UBAC2: variants seen among roughly 807,000 people sequenced by gnomAD.
UBAC2 encodes UBA domain containing 2, also known as ubiquitin-associated domain-containing protein 2.
Under a neutral mutation model 44.0 loss-of-function variants are expected in UBAC2, and 26 were observed. The observed-to-expected ratio is 0.59, with a 90% CI of 0.43 to 0.82. The LOEUF is 0.82. Among genes scored for constraint, UBAC2 ranks in the 40% least tolerant of loss-of-function variants. The probability of loss-of-function intolerance (pLI) is 0.00; values close to 1 mark genes in which losing one functional copy is unlikely to be tolerated. For missense variants in UBAC2, 329 were observed against 419.4 expected (o/e 0.78, Z 1.88); for synonymous variants, 155 against 154.3 (o/e 1.00, Z -0.04).
intron 8 of UBAC2, among the ~76,000 whole-genome samples, chr13:99,368,688 A>AGTGTGGGTGTGT (rs1555332920): frequency 6.1e-5 from 9 of 146,596 alleles, no homozygotes; most frequent in South Asian, 4.4e-4. Flanking sequence ...CTCATGAGAG[A>AGTGTGGGTGTGT]GTGTGTGTGT....
At chr13:99,250,770 G>A (rs899819571) in intron 4 of UBAC2, among the ~76,000 whole-genome samples, 3 of 150,890 alleles carry the variant, frequency 2.0e-5, no homozygotes, top group Non-Finnish European at 4.4e-5. Flanking sequence ...TTTTTGAGAC[G>A]GAGTCTCACT....
At chr13:99,236,943 A>C (rs903516457) in intron 1 of UBAC2, among the ~76,000 whole-genome samples, 2 of 151,240 alleles carry the variant, frequency 1.3e-5, no homozygotes, top group Non-Finnish European at 2.9e-5. Flanking sequence ...GTAAATTAGT[A>C]CAGTCACGAT....
chr13:99,208,697 T>C (rs2042904492), intron 1 of UBAC2, among the ~76,000 whole-genome samples: 1 of 152,220 alleles, frequency 6.6e-6, no homozygotes, highest in Non-Finnish European at 1.5e-5. Context: ...CTCAGATTTC[T>C]TGTGTCTGAC....
intron 8 of UBAC2, among the ~76,000 whole-genome samples, chr13:99,383,863 C>A (rs1473373889): frequency 6.6e-6 from 1 of 152,236 alleles, no homozygotes; most frequent in Non-Finnish European, 1.5e-5. Flanking sequence ...GGTGTCTGGG[C>A]CTGGGTGGTC....
intron 4 of UBAC2, among the ~76,000 whole-genome samples, chr13:99,281,815 G>A (rs2043957949): frequency 6.6e-6 from 1 of 150,922 alleles, no homozygotes; most frequent in Admixed American, 6.6e-5. Context: ...CTTACCTTAT[G>A]GATTGCTGGC....
intron 4 of UBAC2, among the ~76,000 whole-genome samples, chr13:99,273,311 T>G (rs2043841337): frequency 6.6e-6 from 1 of 152,148 alleles, no homozygotes; most frequent in South Asian, 2.1e-4. Context: ...TAAACCACTT[T>G]GGCAGAGTCA....
chr13:99,245,708 G>T (rs990938551), intron 4 of UBAC2, among the ~76,000 whole-genome samples: 1 of 152,212 alleles, frequency 6.6e-6, no homozygotes, highest in Non-Finnish European at 1.5e-5. Context: ...GGGCGTGGTG[G>T]CACGTAGTCC....
At chr13:99,264,048 C>T (rs555383314) in intron 4 of UBAC2, among the ~76,000 whole-genome samples, 1 of 152,260 alleles carries the variant, frequency 6.6e-6, no homozygotes, top group Non-Finnish European at 1.5e-5. Context: ...TGGCAGGATC[C>T]TGGAGCTGTT....
At chr13:99,223,594 G>A (rs911801308) in intron 1 of UBAC2, among the ~76,000 whole-genome samples, 2 of 108,244 alleles carry the variant, frequency 1.8e-5, no homozygotes, top group East Asian at 3.0e-4. Flanking sequence ...CATTATGTGA[G>A]ACCTTTTTTC....
intron 1 of UBAC2, among the ~76,000 whole-genome samples, chr13:99,225,305 T>G (rs555439678): frequency 6.6e-5 from 10 of 152,186 alleles, no homozygotes; most frequent in Non-Finnish European, 1.2e-4. Flanking sequence ...CATTTCCCCC[T>G]TCCTCCGCCC....
chr13:99,225,606 C>T (rs1348019976), intron 1 of UBAC2, among the ~76,000 whole-genome samples: 1 of 152,202 alleles, frequency 6.6e-6, no homozygotes, highest in Non-Finnish European at 1.5e-5. Flanking sequence ...TGAGCACCTC[C>T]TTCACATCAC....
At chr13:99,285,776 A>G (rs959817594) in intron 4 of UBAC2, among the ~76,000 whole-genome samples, 3 of 151,334 alleles carry the variant, frequency 2.0e-5, no homozygotes, top group African/African-American at 7.3e-5. Context: ...TATTTCTTAA[A>G]CTCCCTTGCC....
chr13:99,322,659 C>T (rs767170313), intron 6 of UBAC2, among the ~76,000 whole-genome samples: 2 of 152,088 alleles, frequency 1.3e-5, no homozygotes, highest in Non-Finnish European at 2.9e-5. Flanking sequence ...ATCTCTGATC[C>T]AGCAGCCTTA....
At chr13:99,206,128 T>A (rs1052874993) in intron 1 of UBAC2, 1 of 152,736 alleles carries the variant, frequency 6.5e-6, no homozygotes, top group Non-Finnish European at 1.5e-5. Flanking sequence ...CAGGAGAAGA[T>A]GAGTTCAGCT....
chr13:99,292,051 C>T (rs2044095193), intron 4 of UBAC2, among the ~76,000 whole-genome samples: 1 of 152,074 alleles, frequency 6.6e-6, no homozygotes, highest in African/African-American at 2.4e-5. Flanking sequence ...GCAGTCGAGG[C>T]TTCTAACACC....
intron 7 of UBAC2, among the ~76,000 whole-genome samples, chr13:99,342,525 T>C (rs576355023): frequency 6.6e-6 from 1 of 152,184 alleles, no homozygotes; most frequent in South Asian, 2.1e-4. Flanking sequence ...GGATGCTCCA[T>C]AGTGGCAGGA....
intron 1 of UBAC2, among the ~76,000 whole-genome samples, chr13:99,234,795 G>A (rs1412809588): frequency 6.6e-6 from 1 of 152,192 alleles, no homozygotes; most frequent in Non-Finnish European, 1.5e-5. Flanking sequence ...AGGGAGAGAA[G>A]AGGCTACCTA....
Position 99,370,727 on chromosome 13 carries a change from G to A in UBAC2, c.927+2821G>A, listed in dbSNP as rs560271121. Among the ~76,000 whole-genome samples, 364 of 152,252 alleles carry A rather than the reference G, an allele frequency of 2.4e-3. 4 individuals carry two copies. Among genetic ancestry groups the A allele is most frequent in the South Asian group, 0.01 (50 of 4,822 alleles). On this transcript the variant is annotated intron_variant, in intron 8 of 8. Coordinates refer to ENST00000403766, the MANE Select transcript of UBAC2 (RefSeq NM_001144072.2). The stretch of plus-strand genomic sequence containing the variant: ...TGTTTTCAAGAGAAACCACTGTCAC[G>A]TGCCCATTGACTTGATCCAGCCCCT...
In UBAC2 at chr13:99,363,937, T is replaced by A. The variant is rs964284355; in HGVS notation, c.808-3850T>A. ...GATTTTATTCTTAACTACCTTATAT[T>A]TTTATTGCTATTTATAAATAGTAAT... On this transcript the variant is annotated intron_variant, in intron 7 of 8. Transcript: ENST00000403766. Among the ~76,000 whole-genome samples the A allele has an allele frequency of 3.9e-5, 6 of 152,296 alleles. No individual in the cohort carries two copies. In the South Asian group the frequency reaches 1.0e-3, roughly 26 times the overall value.
Sources: gnomAD v4.1 joint callset for allele counts (sites outside exome capture counted in the v4.1 genomes callset) on GRCh38, gnomAD v4.1.1 for gene constraint, MANE v1.5 for transcripts, NCBI Gene and HGNC (gene_info 2026-07-23, HGNC 2026-07-21) for gene names.